ZBTB7B: variants seen among roughly 807,000 people sequenced by gnomAD.
ZBTB7B encodes zinc finger and BTB domain-containing protein 7B.
Under a neutral mutation model 31.0 loss-of-function variants are expected in ZBTB7B, and 8 were observed. The ratio of observed to expected loss-of-function variants is 0.26; its 90% CI spans 0.15 to 0.47. The LOEUF (loss-of-function observed/expected upper bound fraction) is 0.47. ZBTB7B is among the 20% of genes least tolerant of loss of function. The probability of loss-of-function intolerance (pLI) is 0.99; values close to 1 mark genes in which losing one functional copy is unlikely to be tolerated. For synonymous variants in ZBTB7B, 261 were observed against 307.3 expected, an observed-to-expected ratio of 0.85 and a Z score of 1.58; for missense variants, 494 against 742.4, an observed-to-expected ratio of 0.67 and a Z score of 3.89.
At position 155,014,919 on chromosome 1, in the gene ZBTB7B, G is replaced by A. The variant is rs141632451; in HGVS notation, c.259G>A (p.Gly87Ser). Residue 87 changes from glycine to serine, a missense_variant, in exon 2 of 3, where the codon GGT becomes AGT. By Grantham distance (56) the Gly-to-Ser change is moderately conservative (BLOSUM62 0). Coordinates refer to ENST00000535420, the MANE Select transcript of ZBTB7B (RefSeq NM_001256455.2). ...GACGGCCACTGGGGGAGCAGGGGCC[G>A]GTGTGTGTGAGCTGGACTTTGTAGG... is the stretch of plus-strand genomic sequence containing the variant. ...SGTATGGAGA[G>S]VCELDFVGPE... The A allele has an allele frequency of 5.9e-5, 96 of 1,613,772 alleles. No individual in the cohort carries two copies. Among genetic ancestry groups the A allele is most frequent in the Non-Finnish European group, 7.5e-5 (89 of 1,180,010 alleles).
At chr1:155,011,283 C>A (rs1198280493) in intron 1 of ZBTB7B, among the ~76,000 whole-genome samples, 1 of 152,248 alleles carries the variant, frequency 6.6e-6, no homozygotes, top group African/African-American at 2.4e-5. Flanking sequence ...GAGGTCAGCA[C>A]CCGGAAAGAG....
chr1:155,017,354 A>AGTAGAGGGGCCCC lies in ZBTB7B; in HGVS notation c.*671_*683dup, dbSNP rs1018766230. 5 of 152,290 alleles carry AGTAGAGGGGCCCC rather than the reference A, an allele frequency of 3.3e-5. No homozygotes were observed. The highest frequency in any genetic ancestry group is 9.7e-5 in the African/African-American group (4 of 41,352). 9.4% of individuals were successfully genotyped at this position (152,290 alleles called of 1,614,324 possible). ...GATTGGCTCGCCTGCCCCTGGGGGC[A>AGTAGAGGGGCCCC]GTAGAGGGGCCCCGCCCAGCTAGGG... On this transcript the variant is annotated 3_prime_UTR_variant, in exon 3 of 3. Transcript: ENST00000535420.
At chr1:155,012,952 G>A (rs920063248) in intron 1 of ZBTB7B, among the ~76,000 whole-genome samples, 1 of 152,124 alleles carries the variant, frequency 6.6e-6, no homozygotes, top group Non-Finnish European at 1.5e-5. Context: ...TGAGGAACAG[G>A]CTTCCTCAGG....
At chr1:155,010,736 G>A (rs1478005548) in intron 1 of ZBTB7B, among the ~76,000 whole-genome samples, 2 of 152,094 alleles carry the variant, frequency 1.3e-5, no homozygotes, top group Admixed American at 6.5e-5. Context: ...TGGTCCAGAC[G>A]CAGGCCAAAG....
intron 1 of ZBTB7B, among the ~76,000 whole-genome samples, chr1:155,012,214 C>A (rs935968469): frequency 1.3e-5 from 2 of 152,090 alleles, no homozygotes; most frequent in African/African-American, 2.4e-5. Flanking sequence ...GCCACGGAGA[C>A]CGGCCCTGGG....
At position 155,015,551 on chromosome 1, in the gene ZBTB7B, G is replaced by C; in HGVS notation, c.891G>C (p.Pro297=). The change falls in exon 2 of 3, where the codon CCG becomes CCC. Residue 297 remains proline (P), a synonymous_variant. Transcript: ENST00000535420. ...AYGLAQGGGP[P]LSPEELGSDE... ...GGCTGGCGCAGGGTGGCGGGCCCCC[G>C]CTGTCCCCAGAGGAGCTGGGCTCAG... 6.2e-7 allele frequency: 1 copy of C among 1,613,844 alleles called. No individual in the cohort carries two copies. Among genetic ancestry groups the C allele is most frequent in the East Asian group, 2.2e-5 (1 of 44,872 alleles).
At position 155,015,355 on chromosome 1, in the gene ZBTB7B, C is replaced by T. The variant is rs1234989875; in HGVS notation, c.695C>T (p.Thr232Ile). The change falls in exon 2 of 3, where the codon ACC (threonine) becomes ATC (isoleucine). Residue 232 changes from threonine to isoleucine, a missense_variant. Physicochemically the swap from Thr to Ile is moderately conservative, Grantham distance 89 (BLOSUM62 -1). This residue lies in a region of ZBTB7B where 216 missense variants were observed against 229.3 expected (regional missense o/e 0.94). Transcript: ENST00000535420. ...EVPTVPAHPLTYEEEEVAGRV... is the reference protein window; with the variant it reads ...EVPTVPAHPLIYEEEEVAGRV... ...CCCACAGTGCCCGCCCATCCCTTGACCTATGAGGAGGAGGAGGTGGCGGGC... is the reference window on the plus strand; with the variant it reads ...CCCACAGTGCCCGCCCATCCCTTGATCTATGAGGAGGAGGAGGTGGCGGGC... 1.3e-6 allele frequency: 2 copies of T among 1,583,014 alleles called. No homozygotes were observed. Among genetic ancestry groups the T allele is most frequent in the Middle Eastern group, 1.7e-4 (1 of 5,914 alleles).
chr1:155,007,360 G>T (rs894582201), intron 1 of ZBTB7B, among the ~76,000 whole-genome samples: 6 of 152,222 alleles, frequency 3.9e-5, no homozygotes, highest in African/African-American at 1.4e-4. Context: ...AAAGGGCAGA[G>T]AGCAGCCCCA....
In ZBTB7B at chr1:155,015,296, G is replaced by A. The variant is rs1401816937; in HGVS notation, c.636G>A (p.Lys212=). The A allele has an allele frequency of 6.2e-7, 1 of 1,612,612 alleles. No individual in the cohort carries two copies. The highest frequency in any genetic ancestry group is 8.5e-7 in the Non-Finnish European group (1 of 1,179,248). ...CCCGGAAAGCTTTCCTGCAAACCAA[G>A]GGGGCCAGAGCAAACCACCTAGTCC... ...RKPRKAFLQT[K]GARANHLVPE... is the part of the protein sequence containing the mutation. Residue 212 remains lysine (K), a synonymous_variant, in exon 2 of 3, where the codon AAG becomes AAA. Transcript: ENST00000535420.
In ZBTB7B at chr1:155,015,669, G is replaced by T; in HGVS notation, c.1009G>T (p.Val337Leu). The change falls in exon 2 of 3, where the codon GTG becomes TTG. Residue 337 changes from valine to leucine, a missense_variant. By Grantham distance (32) the Val-to-Leu change is conservative. Transcript: ENST00000535420. ...AGGCCTGGACAGCCAAGACAAGCTG[G>T]TGCGCAAACGCCGCTCCCAGATGCC... ...APGLDSQDKL[V>L]RKRRSQMPQE... 1 of 1,613,218 alleles carries T rather than the reference G, an allele frequency of 6.2e-7. No homozygotes were observed. Among genetic ancestry groups the T allele is most frequent in the Non-Finnish European group, 8.5e-7 (1 of 1,180,026 alleles).
At chr1:155,002,381 AAAG>A (rs1658281610), upstream of ZBTB7B, among the ~76,000 whole-genome samples, 1 of 147,914 alleles carries the variant, frequency 6.8e-6, no homozygotes, top group Admixed American at 6.7e-5. Flanking sequence ...AGAGAGAAGG[AAAG>A]AAGGAGGGAA....
At chr1:155,011,028 G>C in intron 1 of ZBTB7B, 1 of 1,531,170 alleles carries the variant, frequency 6.5e-7, no homozygotes, top group Admixed American at 2.0e-5. Context: ...AGGGGCCTTG[G>C]AACCTGGGGA....
chr1:155,014,570 A>C (rs1659219976), intron 1 of ZBTB7B, 85 bp from the exon 2 acceptor site: 1 of 1,269,454 alleles, frequency 7.9e-7, no homozygotes, highest in Admixed American at 2.2e-5. Context: ...GTCATCCCTC[A>C]ATAAGTATTG....
chr1:155,006,052 G>A (rs1048801676), intron 1 of ZBTB7B, among the ~76,000 whole-genome samples: 1 of 152,168 alleles, frequency 6.6e-6, no homozygotes, highest in African/African-American at 2.4e-5. Flanking sequence ...AGAGCCCTGG[G>A]GAGCCCAGGA....
intron 1 of ZBTB7B, among the ~76,000 whole-genome samples, chr1:155,011,580 G>A (rs1301480470): frequency 1.3e-5 from 2 of 152,170 alleles, no homozygotes; most frequent in Non-Finnish European, 2.9e-5. Flanking sequence ...GGGGAGTGAT[G>A]GGGTGGGGCC....
chr1:155,012,198 C>G (rs1659036656), intron 1 of ZBTB7B, among the ~76,000 whole-genome samples: 2 of 151,678 alleles, frequency 1.3e-5, no homozygotes, highest in African/African-American at 4.8e-5. Flanking sequence ...CCCACCACAC[C>G]AAGTTGCCAC....
chr1:155,002,659 C>G (rs1658306212), upstream of ZBTB7B: 1 of 105,270 alleles, frequency 9.5e-6, no homozygotes, highest in Non-Finnish European at 1.8e-5. Flanking sequence ...GGAAAGCAAG[C>G]TGGAGGACAG....
At chr1:155,014,424 C>G in intron 1 of ZBTB7B, 1 of 574,394 alleles carries the variant, frequency 1.7e-6, no homozygotes, top group East Asian at 2.9e-5. Flanking sequence ...GAACACTGTT[C>G]TGCACTTAAC....
Position 155,016,920 on chromosome 1 carries a change from A to C in ZBTB7B, c.*235A>C, listed in dbSNP as rs747909828. On this transcript the variant is annotated 3_prime_UTR_variant, in exon 3 of 3. Transcript: ENST00000535420. The surrounding 1 kb of genome is among the most constrained non-coding windows in gnomAD (Gnocchi z 4.3). Reference sequence around the variant, plus strand: ...TGATACATATATTGTGTATATATTTACAGCTGTATTGTAAAAGTGGGGTCC... The same window carrying C: ...TGATACATATATTGTGTATATATTTCCAGCTGTATTGTAAAAGTGGGGTCC... 6.9e-6 allele frequency: 3 copies of C among 437,630 alleles called. No homozygotes were observed. The highest frequency in any genetic ancestry group is 1.2e-5 in the Non-Finnish European group (3 of 246,412). 27.1% of individuals were successfully genotyped at this position (437,630 alleles called of 1,614,324 possible). A position where few individuals can be genotyped will look rare whatever the true frequency, so the allele number is the denominator to read the frequency against.
Sources: allele counts gnomAD v4.1 joint callset (sites outside exome capture counted in the v4.1 genomes callset), GRCh38; gene constraint gnomAD v4.1.1; regional missense constraint gnomAD v4.1.1; non-coding constraint Gnocchi (gnomAD v3.1); transcripts MANE v1.5; gene names NCBI Gene and HGNC (gene_info 2026-07-23, HGNC 2026-07-21).